Variants in DHTKD1 observed in about 807,000 individuals in gnomAD.
DHTKD1 encodes the protein 2-oxoadipate dehydrogenase complex component E1.
Under a neutral mutation model 101.8 loss-of-function variants are expected in DHTKD1, and 78 were observed. That is an observed-to-expected ratio of 0.77 (90% confidence interval 0.64 to 0.93). The LOEUF (loss-of-function observed/expected upper bound fraction) is 0.93. DHTKD1 is among the 40% of genes least tolerant of loss of function. The pLI is 0.00. For missense variants in DHTKD1, 1,223 were observed against 1,161.7 expected (o/e 1.05, Z -0.77); for synonymous variants, 462 against 450.3 (o/e 1.03, Z -0.33).
chr10:12,114,849 G>T (rs1466467930), intron 13 of DHTKD1, among the ~76,000 whole-genome samples: 1 of 152,176 alleles, frequency 6.6e-6, no homozygotes, highest in Non-Finnish European at 1.5e-5. Flanking sequence ...AGGCTGGAGT[G>T]CAGTGCTGCG....
intron 1 of DHTKD1, among the ~76,000 whole-genome samples, chr10:12,077,160 CAT>C (rs1296735052): frequency 2.0e-5 from 3 of 150,278 alleles, no homozygotes; most frequent in Non-Finnish European, 3.0e-5. Context: ...ATAAACTACT[CAT>C]ATGTACATAC....
intron 9 of DHTKD1, 24 bp from the exon 10 acceptor site, chr10:12,101,018 C>CT (rs764000157): frequency 5.2e-5 from 83 of 1,598,406 alleles, no homozygotes; most frequent in Admixed American, 8.5e-5. Context: ...GGGAATCTGA[C>CT]TTTTTTTTTC....
intron 1 of DHTKD1, among the ~76,000 whole-genome samples, chr10:12,080,556 A>G (rs1268713407): frequency 6.6e-6 from 1 of 151,642 alleles, no homozygotes; most frequent in East Asian, 1.9e-4. Context: ...CTAAAAATAC[A>G]AAACATTAGC....
intron 6 of DHTKD1, among the ~76,000 whole-genome samples, chr10:12,092,749 G>A (rs1316917096): frequency 1.3e-5 from 2 of 151,984 alleles, no homozygotes. Flanking sequence ...GTTGCAGTGA[G>A]CCAAGATCAG....
chr10:12,085,272 T>C (rs10795933), intron 3 of DHTKD1, among the ~76,000 whole-genome samples: 74,434 of 151,514 alleles, frequency 0.49, 20,000 homozygotes, highest in South Asian at 0.72. Context: ...ATCGCGCCAC[T>C]GCACTCCAGC....
At chr10:12,120,036 G>T in intron 15 of DHTKD1, 146 bp from the exon 16 acceptor site, 1 of 635,634 alleles carries the variant, frequency 1.6e-6, no homozygotes, top group Non-Finnish European at 2.9e-6. Context: ...CTGTTGTATG[G>T]GTACTTGAAG....
intron 10 of DHTKD1, 46 bp downstream of exon 10, chr10:12,101,227 A>C (rs1484587746): frequency 6.3e-7 from 1 of 1,580,504 alleles, no homozygotes; most frequent in East Asian, 2.3e-5. Flanking sequence ...GCCAACGATT[A>C]CACTTCCAGG....
At chr10:12,069,518 C>CTTTTT (rs10691718) in intron 1 of DHTKD1, among the ~76,000 whole-genome samples, 21 of 81,518 alleles carry the variant, frequency 2.6e-4, no homozygotes, top group Admixed American at 5.2e-4. Flanking sequence ...TTTTTGTTTC[C>CTTTTT]TTTTTTTTTT....
In DHTKD1 at chr10:12,104,235, G is replaced by A. The variant is rs148760659; in HGVS notation, c.1897-2011G>A. 4.5e-3 allele frequency among the ~76,000 whole-genome samples: 680 copies of A among 152,260 alleles called. 5 individuals are homozygous for A. The highest frequency in any genetic ancestry group is 0.016 in the African/African-American group (652 of 41,558). ...GCTCTGTTGCCCAGGCTGGAGTGCA[G>A]TGGCGCAACCTCGGCTCACTGCAAC... On this transcript the variant is annotated intron_variant, in intron 10 of 16. Transcript: ENST00000263035.
intron 15 of DHTKD1, among the ~76,000 whole-genome samples, chr10:12,119,286 C>G (rs549133172): frequency 1.1e-4 from 15 of 140,172 alleles, no homozygotes; most frequent in African/African-American, 4.0e-4. Context: ...AGCCTGGGCA[C>G]AAGACTCTGT....
chr10:12,091,639 A>G lies in DHTKD1; in HGVS notation c.1114A>G (p.Thr372Ala), dbSNP rs749597709. 2 of 1,613,542 alleles carry G rather than the reference A, an allele frequency of 1.2e-6. No homozygotes were observed. Among genetic ancestry groups the G allele is most frequent in the Non-Finnish European group, 1.7e-6 (2 of 1,179,898 alleles). Reference protein sequence around the residue: ...LIVNNQLGYTTPAERGRSSLY... With the variant: ...LIVNNQLGYTAPAERGRSSLY... ...TGTTAATAACCAGCTGGGTTACACCACTCCAGCTGAAAGAGGAAGGTCTTC... is the reference window on the plus strand; with the variant it reads ...TGTTAATAACCAGCTGGGTTACACCGCTCCAGCTGAAAGAGGAAGGTCTTC... The change falls in exon 6 of 17, where the codon ACT (threonine) becomes GCT (alanine). Residue 372 changes from threonine (T) to alanine (A), a missense_variant. Thr to Ala is a moderately conservative substitution (Grantham distance 58). Coordinates refer to ENST00000263035, the MANE Select transcript of DHTKD1 (RefSeq NM_018706.7).
Position 12,117,421 on chromosome 10 carries a change from C to T in DHTKD1, c.2320-252C>T, listed in dbSNP as rs187643170. The stretch of plus-strand genomic sequence containing the variant: ...AGGCGGGTCTTGAACTGGCCTCCAG[C>T]GATCCTCCTGCCTTGGCCTCCCAAA... On this transcript the variant is annotated intron_variant, in intron 13 of 16. Transcript: ENST00000263035. Among the ~76,000 whole-genome samples, 210 of 150,624 alleles carry T rather than the reference C, an allele frequency of 1.4e-3. 2 individuals carry two copies. Among genetic ancestry groups the T allele is most frequent in the Admixed American group, 8.2e-3 (123 of 14,984 alleles).
At position 12,117,734 on chromosome 10, in the gene DHTKD1, A is replaced by AT; in HGVS notation, c.2383dup (p.Ser795PhefsTer9). 6.2e-7 allele frequency: 1 copy of AT among 1,602,108 alleles called. No homozygotes were observed. Among genetic ancestry groups the AT allele is most frequent in the South Asian group, 1.1e-5 (1 of 89,202 alleles). On this transcript the variant is annotated frameshift_variant, in exon 14 of 17. Coordinates refer to ENST00000263035, the MANE Select transcript of DHTKD1 (RefSeq NM_018706.7). LOFTEE classifies it high-confidence loss of function. ...ACAACATTTAACCCGGTCATTGGTG[A>AT]TTCATCTGTGGATCCAAAAAAGTAA...
Position 12,121,219 on chromosome 10 carries a change from C to CAA in DHTKD1, c.*349_*350dup, listed in dbSNP as rs34911594. ...TGGGTGACAGAGCAAGACTGCGTTT[C>CAA]AAAAAAAAAAAAAAAAAAACCCATT... On this transcript the variant is annotated 3_prime_UTR_variant, in exon 17 of 17. Transcript: ENST00000263035. 8,385 of 118,774 alleles carry CAA rather than the reference C, an allele frequency of 0.071. 352 individuals carry two copies. The highest frequency in any genetic ancestry group is 0.12 in the East Asian group (487 of 4,174). 7.4% of individuals were successfully genotyped at this position (118,774 alleles called of 1,614,324 possible).
chr10:12,102,911 C>T (rs990264596), intron 10 of DHTKD1, among the ~76,000 whole-genome samples: 3 of 152,002 alleles, frequency 2.0e-5, no homozygotes, highest in African/African-American at 7.2e-5. Context: ...TGAACCACCA[C>T]GCCTGGCCGA....
At chr10:12,118,536 G>C (rs566525122) in intron 14 of DHTKD1, among the ~76,000 whole-genome samples, 63 of 152,006 alleles carry the variant, frequency 4.1e-4, no homozygotes, top group East Asian at 9.7e-4. Flanking sequence ...GTGCCCGCCA[G>C]TACGCCCGGC....
intron 1 of DHTKD1, among the ~76,000 whole-genome samples, chr10:12,076,816 G>A (rs531284584): frequency 2.6e-5 from 4 of 151,756 alleles, no homozygotes; most frequent in East Asian, 3.9e-4. Context: ...CCGCCACCAC[G>A]CCCGGCTAAT....
intron 14 of DHTKD1, among the ~76,000 whole-genome samples, chr10:12,118,385 C>CTTT (rs56119960): frequency 1.8e-4 from 25 of 137,528 alleles, no homozygotes; most frequent in East Asian, 4.3e-4. Context: ...ACATAATTCT[C>CTTT]TTTTTTTTTT....
At position 12,087,454 on chromosome 10, in the gene DHTKD1, C is replaced by A; in HGVS notation, c.523-81C>A. 1 of 1,284,566 alleles carries A rather than the reference C, an allele frequency of 7.8e-7. No individual in the cohort carries two copies. The highest frequency in any genetic ancestry group is 1.1e-6 in the Non-Finnish European group (1 of 923,910). 79.6% of individuals were successfully genotyped at this position (1,284,566 alleles called of 1,614,324 possible). ...ACTTGGGGAGTGTGGGGCCATCTCA[C>A]AACACACACAGACTTATCTGCCTTC... On this transcript the variant is annotated intron_variant, in intron 3 of 16. Transcript: ENST00000263035. This position sits in a 1 kb window ranked among gnomAD's most constrained non-coding sequence, Gnocchi z 5.2.
Sources: allele counts gnomAD v4.1 joint callset (sites outside exome capture counted in the v4.1 genomes callset), GRCh38; gene constraint gnomAD v4.1.1; non-coding constraint Gnocchi (gnomAD v3.1); transcripts MANE v1.5; gene names NCBI Gene and HGNC (gene_info 2026-07-23, HGNC 2026-07-21).